Variants in EP400 observed in about 807,000 individuals in gnomAD.
The protein encoded by EP400 is E1A-binding protein p400.
Under a neutral mutation model 354.1 loss-of-function variants are expected in EP400, and 105 were observed. That is an observed-to-expected ratio of 0.30 (90% CI 0.25 to 0.35). EP400 has a LOEUF of 0.35. EP400 is among the 10% of genes least tolerant of loss of function. The pLI is 1.00. For synonymous variants in EP400, 1,646 were observed against 1,716.9 expected, an observed-to-expected ratio of 0.96 and a Z score of 1.02; for missense variants, 3,280 against 4,121.0, an observed-to-expected ratio of 0.80 and a Z score of 5.59.
At chr12:131,952,302 CAAAAAAA>C (rs927214848) in intron 1 of EP400, among the ~76,000 whole-genome samples, 952 of 47,058 alleles carry the variant, frequency 0.02, 12 homozygotes, top group African/African-American at 0.06. Context: ...GACTCTGTCT[CAAAAAAA>C]AAAAAAAAAA....
intron 2 of EP400, among the ~76,000 whole-genome samples, chr12:131,977,159 C>T (rs933362083): frequency 1.2e-4 from 18 of 152,104 alleles, no homozygotes; most frequent in Non-Finnish European, 1.9e-4. Flanking sequence ...TTTTTTGAGA[C>T]GGAGTCTCGC....
At chr12:132,010,076 A>C (rs1893714904) in intron 15 of EP400, among the ~76,000 whole-genome samples, 2 of 147,082 alleles carry the variant, frequency 1.4e-5, no homozygotes, top group South Asian at 4.3e-4. Flanking sequence ...ACCTACTCTG[A>C]GGTTGTGTCT....
At position 132,028,745 on chromosome 12, in the gene EP400, A is replaced by G. The variant is rs144028426; in HGVS notation, c.5381+457A>G. Among the ~76,000 whole-genome samples the G allele has an allele frequency of 7.2e-3, 1,090 of 152,316 alleles. 9 individuals carry two copies. The highest frequency in any genetic ancestry group is 0.025 in the African/African-American group (1,038 of 41,564). ...CACGGTGGGCACCCGGCCGCTCTCA[A>G]CTGAGCTTGCTTTCAGTAGAGTGCG... On this transcript the variant is annotated intron_variant, in intron 27 of 52. Transcript: ENST00000389561.
At chr12:132,061,989 A>G in intron 45 of EP400, 121 bp from the exon 46 acceptor site, 4 of 765,548 alleles carry the variant, frequency 5.2e-6, no homozygotes, top group Middle Eastern at 3.7e-4. Flanking sequence ...ACTGAACTCT[A>G]GCGTGTGTTT....
chr12:132,005,853 A>C (rs1893563068), intron 13 of EP400, among the ~76,000 whole-genome samples: 1 of 152,194 alleles, frequency 6.6e-6, no homozygotes, highest in African/African-American at 2.4e-5. Context: ...GACATTTTCC[A>C]AAATGCCAGA....
At chr12:131,951,928 C>T (rs1891516006) in intron 1 of EP400, among the ~76,000 whole-genome samples, 1 of 152,026 alleles carries the variant, frequency 6.6e-6, no homozygotes, top group South Asian at 2.1e-4. Context: ...AGGTGCCTGC[C>T]ACCACACCTG....
rs924331460 is a variant in EP400 at position 131,994,464 on chromosome 12, T to G, written c.2738-403T>G. ...AGCGGAGTGGGCTTGGGTTGGTGAT[T>G]GTGGAGGACAGGAGAGTCAAGGAGA... On this transcript the variant is annotated intron_variant, in intron 11 of 52. Transcript: ENST00000389561. This position sits in a 1 kb window ranked among gnomAD's most constrained non-coding sequence, Gnocchi z 4.6. Among the ~76,000 whole-genome samples, 6 of 151,734 alleles carry G rather than the reference T, an allele frequency of 4.0e-5. No homozygotes were observed. In the South Asian group the frequency reaches 1.0e-3, roughly 26 times the overall value.
chr12:132,053,387 G>GGCCCCCCCCCCCCC lies in EP400; in HGVS notation c.7518_7519insGCCCCCCCCCCCCC (p.Pro2507AlafsTer93). 2 of 1,546,960 alleles carry GGCCCCCCCCCCCCC rather than the reference G, an allele frequency of 1.3e-6. No homozygotes were observed. The highest frequency in any genetic ancestry group is 1.7e-6 in the Non-Finnish European group (2 of 1,154,820). On this transcript the variant is annotated frameshift_variant, in exon 43 of 53. Coordinates refer to ENST00000389561, the MANE Select transcript of EP400 (RefSeq NM_015409.5). LOFTEE classifies it high-confidence loss of function. ...AGGCACAGCAGCCGGCCGTGGCCCA[G>GGCCCCCCCCCCCCC]CCACCCCCGCCCCAGCCGCAGCCCC...
Position 132,045,801 on chromosome 12 carries a change from T to A in EP400, c.7101T>A (p.Leu2367=). The change falls in exon 39 of 53, where the codon CTT becomes CTA. Residue 2367 remains leucine, a synonymous_variant. Coordinates refer to ENST00000389561, the MANE Select transcript of EP400 (RefSeq NM_015409.5). ...VSPAHTPNWD[L]VSDVVNSCSR... ...CTGCTCACACACCTAATTGGGATCT[T>A]GTCAGTGACGTTGTTAACTCCTGTA... 6.2e-7 allele frequency: 1 copy of A among 1,614,240 alleles called. No individual in the cohort carries two copies. Among genetic ancestry groups the A allele is most frequent in the South Asian group, 1.1e-5 (1 of 91,084 alleles).
At chr12:131,999,826 C>T (rs1249614879) in intron 12 of EP400, among the ~76,000 whole-genome samples, 1 of 152,108 alleles carries the variant, frequency 6.6e-6, no homozygotes, top group Admixed American at 6.5e-5. Flanking sequence ...TTTATTTCAT[C>T]TACATTTTAA....
Position 132,011,772 on chromosome 12 carries a change from A to G in EP400, c.3441+138A>G, listed in dbSNP as rs550605472. On this transcript the variant is annotated intron_variant, in intron 16 of 52. Transcript: ENST00000389561. The stretch of plus-strand genomic sequence containing the variant: ...CTCATTCATGAGTTAACAGACCTTT[A>G]TGTTGTTCCCCTCGAAAGCATAGAC... 21 of 1,159,908 alleles carry G rather than the reference A, an allele frequency of 1.8e-5. No individual in the cohort carries two copies. In the African/African-American group the frequency reaches 2.5e-4, roughly 14 times the overall value. 71.9% of individuals were successfully genotyped at this position (1,159,908 alleles called of 1,614,324 possible).
chr12:132,051,382 C>G (rs2136588111), intron 41 of EP400, among the ~76,000 whole-genome samples: 1 of 152,266 alleles, frequency 6.6e-6, no homozygotes, highest in African/African-American at 2.4e-5. Flanking sequence ...GGGACCACTA[C>G]TACCAAGACA....
In EP400 at chr12:131,982,016, C is replaced by T. The variant is rs1045872276; in HGVS notation, c.1544-77C>T. On this transcript the variant is annotated intron_variant, in intron 4 of 52. Transcript: ENST00000389561. ...CTTGGACAAGCACTGGGGTGTTAGA[C>T]GTGTCTCCTTGTGACTCATTGGTAG... 1.3e-4 allele frequency: 200 copies of T among 1,481,848 alleles called. 1 individual carries two copies. Among genetic ancestry groups the T allele is most frequent in the East Asian group, 2.7e-4 (12 of 43,746 alleles). 91.8% of individuals were successfully genotyped at this position (1,481,848 alleles called of 1,614,324 possible).
chr12:132,005,240 AC>A, intron 13 of EP400, 56 bp downstream of exon 13: 1 of 1,275,610 alleles, frequency 7.8e-7, no homozygotes, highest in Non-Finnish European at 1.1e-6. Context: ...CGGAGTACTT[AC>A]AAAGACTTAA....
At chr12:132,033,938 G>A (rs1047670403) in intron 30 of EP400, among the ~76,000 whole-genome samples, 8 of 152,034 alleles carry the variant, frequency 5.3e-5, no homozygotes, top group Non-Finnish European at 8.8e-5. Flanking sequence ...CATGTTCCTC[G>A]AGGGAAAAAA....
chr12:131,977,727 C>G (rs1487604542), intron 2 of EP400, among the ~76,000 whole-genome samples: 1 of 152,060 alleles, frequency 6.6e-6, no homozygotes, highest in Admixed American at 6.6e-5. Context: ...CATCTTCTTT[C>G]CTTTTCCATC....
At chr12:132,003,577 T>C (rs1430044297) in intron 12 of EP400, among the ~76,000 whole-genome samples, 1 of 152,230 alleles carries the variant, frequency 6.6e-6, no homozygotes, top group Non-Finnish European at 1.5e-5. Context: ...TATTGTTTGT[T>C]CTGAGACACC....
rs976757595 is a variant in EP400 at position 132,026,514 on chromosome 12, C to A, written c.5014+710C>A. ...TGGGGAGGGGCCATGGCTTGTTCTC[C>A]AGTCCTGTTAGCATCACCTAGCAGC... On this transcript the variant is annotated intron_variant, in intron 25 of 52. Coordinates refer to ENST00000389561, the MANE Select transcript of EP400 (RefSeq NM_015409.5). 3.3e-5 allele frequency among the ~76,000 whole-genome samples: 5 copies of A among 152,294 alleles called. No homozygotes were observed. The South Asian group carries it at 6.2e-4, about 19-fold the overall frequency.
intron 2 of EP400, among the ~76,000 whole-genome samples, chr12:131,973,772 T>G (rs186270504): frequency 1.6e-4 from 24 of 152,288 alleles, no homozygotes; most frequent in African/African-American, 5.5e-4. Context: ...TGCGTGTATT[T>G]CTCTTTGTTT....
Sources: gnomAD v4.1 joint callset for allele counts (sites outside exome capture counted in the v4.1 genomes callset) on GRCh38, gnomAD v4.1.1 for gene constraint, Gnocchi (gnomAD v3.1) non-coding constraint, MANE v1.5 for transcripts, NCBI Gene and HGNC (gene_info 2026-07-23, HGNC 2026-07-21) for gene names.